The following EXD1 variants were observed in gnomAD, a reference collection of about 807,000 sequenced individuals.
EXD1 encodes the protein piRNA biogenesis protein EXD1.
In EXD1, 63 loss-of-function variants were observed where a neutral mutation model predicts 49.1. The observed-to-expected ratio is 1.28, with a 90% CI of 1.05 to 1.58. The LOEUF is 1.58. Among genes scored for constraint, EXD1 ranks in the 40% most tolerant of loss-of-function variants. The pLI is 0.00. For missense variants in EXD1, 748 were observed against 666.0 expected (o/e 1.12, Z -1.36); for synonymous variants, 234 against 239.2 (o/e 0.98, Z 0.20).
chr15:41,188,149 G>A (rs571333731), intron 11 of EXD1, among the ~76,000 whole-genome samples: 11 of 151,826 alleles, frequency 7.2e-5, no homozygotes, highest in African/African-American at 2.4e-4. Context: ...GGCTTTGTGA[G>A]CCATAGTCTC....
chr15:41,193,252 G>C (rs145881711), intron 9 of EXD1, among the ~76,000 whole-genome samples: 3 of 152,194 alleles, frequency 2.0e-5, no homozygotes, highest in African/African-American at 7.2e-5. Context: ...ATACCTACCT[G>C]CCTTATGGTT....
chr15:41,187,133 C>T (rs1356183500), intron 11 of EXD1, among the ~76,000 whole-genome samples: 1 of 151,874 alleles, frequency 6.6e-6, no homozygotes, highest in African/African-American at 2.4e-5. Flanking sequence ...ATCCGCTCGC[C>T]TGGGCCTCCC....
Position 41,217,112 on chromosome 15 carries a change from T to G in EXD1, c.245A>C (p.Lys82Thr). ...TCCTTCTTACCTAACAGAAGATGCT[T>G]TTGCTCTCACTGAGCCTTGTTCCAC... ...DEVEQGSVRA[K>T]ASSVSLHAER... Residue 82 changes from lysine to threonine, a missense_variant, in exon 4 of 12, where the codon AAA becomes ACA. Transcript: ENST00000458580. The G allele has an allele frequency of 6.2e-7, 1 of 1,612,488 alleles. No individual in the cohort carries two copies. Among genetic ancestry groups the G allele is most frequent in the Non-Finnish European group, 8.5e-7 (1 of 1,179,850 alleles).
At chr15:41,198,630 A>T (rs984783281) in intron 7 of EXD1, among the ~76,000 whole-genome samples, 1 of 152,064 alleles carries the variant, frequency 6.6e-6, no homozygotes, top group Non-Finnish European at 1.5e-5. Flanking sequence ...TCCAGGTTGC[A>T]GTGAGCCGTG....
At chr15:41,208,425 C>T (rs1369220713) in intron 7 of EXD1, among the ~76,000 whole-genome samples, 2 of 149,584 alleles carry the variant, frequency 1.3e-5, no homozygotes, top group Non-Finnish European at 3.0e-5. Flanking sequence ...AGCTATCCAT[C>T]CTCTAGCTAT....
At chr15:41,203,934 A>AC (rs1461873967) in intron 7 of EXD1, among the ~76,000 whole-genome samples, 1 of 139,002 alleles carries the variant, frequency 7.2e-6, no homozygotes, top group African/African-American at 2.6e-5. Flanking sequence ...AAAAAAAAAA[A>AC]AAAAAAAAAA....
At chr15:41,222,057 G>A (rs1029370055) in intron 2 of EXD1, among the ~76,000 whole-genome samples, 3 of 151,770 alleles carry the variant, frequency 2.0e-5, no homozygotes, top group Non-Finnish European at 4.4e-5. Context: ...CCAAGATCAC[G>A]CCACTACACT....
chr15:41,190,785 C>G (rs1042712042), intron 10 of EXD1, among the ~76,000 whole-genome samples: 1 of 152,180 alleles, frequency 6.6e-6, no homozygotes, highest in Non-Finnish European at 1.5e-5. Context: ...AGAAAATTTA[C>G]TTTACTTTGG....
chr15:41,224,712 A>T (rs1219890605), intron 2 of EXD1, among the ~76,000 whole-genome samples: 1 of 152,166 alleles, frequency 6.6e-6, no homozygotes, highest in East Asian at 1.9e-4. Flanking sequence ...TAAACCTAGC[A>T]TTTTGGGAGG....
At chr15:41,223,822 A>G (rs112857032) in intron 2 of EXD1, among the ~76,000 whole-genome samples, 44,017 of 151,148 alleles carry the variant, frequency 0.29, 8,976 homozygotes, top group African/African-American at 0.58. Flanking sequence ...CCAAGATTGC[A>G]CCACTGCACT....
At chr15:41,229,913 C>A (rs1306176946) in intron 1 of EXD1, among the ~76,000 whole-genome samples, 1 of 152,026 alleles carries the variant, frequency 6.6e-6, no homozygotes, top group Non-Finnish European at 1.5e-5. Context: ...CCTGGGAAAG[C>A]CTGCTACGAC....
chr15:41,189,036 T>C (rs2046461871), intron 11 of EXD1, among the ~76,000 whole-genome samples: 1 of 151,660 alleles, frequency 6.6e-6, no homozygotes, highest in Non-Finnish European at 1.5e-5. Flanking sequence ...ACTCCTGACC[T>C]CAGGCCTATA....
At chr15:41,195,358 G>A (rs756443658) in intron 9 of EXD1, among the ~76,000 whole-genome samples, 5 of 152,130 alleles carry the variant, frequency 3.3e-5, no homozygotes, top group Non-Finnish European at 5.9e-5. Context: ...TATGCAGGAC[G>A]ACCTGTACCC....
chr15:41,209,284 A>G (rs1352412747), intron 7 of EXD1, among the ~76,000 whole-genome samples: 4 of 152,044 alleles, frequency 2.6e-5, no homozygotes, highest in Non-Finnish European at 5.9e-5. Context: ...GTGTGGTGAC[A>G]TGCATCTGTA....
At chr15:41,228,726 G>GTCTC (rs2047196492) in intron 1 of EXD1, among the ~76,000 whole-genome samples, 1 of 152,112 alleles carries the variant, frequency 6.6e-6, no homozygotes, top group Non-Finnish European at 1.5e-5. Flanking sequence ...TTGAGATGGA[G>GTCTC]TCTCACTCTG....
At chr15:41,194,675 G>A (rs1355696592) in intron 9 of EXD1, among the ~76,000 whole-genome samples, 1 of 152,134 alleles carries the variant, frequency 6.6e-6, no homozygotes, top group Non-Finnish European at 1.5e-5. Context: ...AAAAGAAATT[G>A]GTGAAAATTC....
chr15:41,205,465 G>A (rs1315567151), intron 7 of EXD1, among the ~76,000 whole-genome samples: 1 of 152,130 alleles, frequency 6.6e-6, no homozygotes, highest in East Asian at 1.9e-4. Context: ...ATATGGAACA[G>A]CTTAGTCATA....
chr15:41,221,316 G>C (rs1417998285), intron 2 of EXD1, among the ~76,000 whole-genome samples: 1 of 152,120 alleles, frequency 6.6e-6, no homozygotes, highest in Non-Finnish European at 1.5e-5. Flanking sequence ...CTGTTGCACA[G>C]GCTAGAGTGC....
At chr15:41,199,732 T>TATATCTC (rs1566980624) in intron 7 of EXD1, among the ~76,000 whole-genome samples, 3 of 78,840 alleles carry the variant, frequency 3.8e-5, no homozygotes, top group African/African-American at 5.6e-5. Context: ...TTATATATGA[T>TATATCTC]ATATATGTCA....
Sources: allele counts gnomAD v4.1 joint callset (sites outside exome capture counted in the v4.1 genomes callset), GRCh38; gene constraint gnomAD v4.1.1; transcripts MANE v1.5; gene names NCBI Gene and HGNC (gene_info 2026-07-23, HGNC 2026-07-21).